The following PUDP variants were observed in gnomAD, a reference collection of about 807,000 sequenced individuals.
PUDP encodes the protein pseudouridine 5'-phosphatase.
PUDP carries 8 observed loss-of-function variants against 9.4 expected under a neutral mutation model. The ratio of observed to expected loss-of-function variants is 0.85; its 90% CI spans 0.50 to 1.53. PUDP has a LOEUF of 1.53. Among genes scored for constraint, PUDP ranks in the 40% most tolerant of loss-of-function variants. The pLI is 0.00. For synonymous variants in PUDP, 99 were observed against 80.7 expected, an observed-to-expected ratio of 1.23 and a Z score of -1.22; for missense variants, 188 against 189.7, an observed-to-expected ratio of 0.99 and a Z score of 0.05.
Position 6,829,947 on chromosome X carries a change from C to T in PUDP, c.*248-123481G>A, listed in dbSNP as rs893607946. 6.3e-5 allele frequency among the ~76,000 whole-genome samples: 7 copies of T among 110,503 alleles called. No individual in the cohort carries two copies. In the Middle Eastern group the frequency reaches 0.014, roughly 218 times the overall value. On this transcript the variant is annotated intron_variant and NMD_transcript_variant, in intron 3 of 3. Coordinates refer to the PUDP transcript ENST00000655425. ...CACGCAACTGGTGAGCTGAGGGATT[C>T]ACCACATTAATCCAGAACATTAATT... is the stretch of plus-strand genomic sequence containing the variant.
At position 7,069,388 on chromosome X, in the gene PUDP, C is replaced by G. The variant is rs191428117; in HGVS notation, c.510+7832G>C. On this transcript the variant is annotated intron_variant, in intron 3 of 3. Coordinates refer to ENST00000381077, the MANE Select transcript of PUDP (RefSeq NM_012080.5). ...GATGCCCCAAGGCTAGTGTTCTGGA[C>G]ACGGACGTAAGGCTACTCGGGCTGG... Among the ~76,000 whole-genome samples the G allele has an allele frequency of 2.7e-5, 3 of 111,130 alleles. No homozygotes were observed. In the East Asian group the frequency reaches 8.6e-4, roughly 32 times the overall value.
rs769348667 is a variant in PUDP, at chrX:7,019,356, G to T, written c.205-41013C>A. Among the ~76,000 whole-genome samples, 9 of 112,017 alleles carry T rather than the reference G, an allele frequency of 8.0e-5. No individual in the cohort carries two copies. The South Asian group carries it at 3.0e-3, about 38-fold the overall frequency. On this transcript the variant is annotated intron_variant and NMD_transcript_variant, in intron 1 of 3. Coordinates refer to the PUDP transcript ENST00000655425. ...AAATAAAACTCTTTTACTTCAAAATGTATTTCTATGATACAGTTTGAGACG... is the reference window on the plus strand; with the variant it reads ...AAATAAAACTCTTTTACTTCAAAATTTATTTCTATGATACAGTTTGAGACG...
chrX:7,147,339 T>C (rs1932887822), intron 1 of PUDP, among the ~76,000 whole-genome samples: 1 of 111,588 alleles, frequency 9.0e-6, no homozygotes. Context: ...TCTGTGCCTC[T>C]ACACTGTTGA....
chrX:6,790,140 T>C (rs957993787), intron 3 of PUDP, among the ~76,000 whole-genome samples: 2 of 111,218 alleles, frequency 1.8e-5, no homozygotes, highest in South Asian at 7.6e-4. Flanking sequence ...TATATACAGA[T>C]GTAGATAGGT....
intron 1 of PUDP, among the ~76,000 whole-genome samples, chrX:6,987,061 A>G (rs1247283466): frequency 8.9e-6 from 1 of 111,906 alleles, no homozygotes; most frequent in Non-Finnish European, 1.9e-5. Context: ...CAGAGCAGTC[A>G]CCTCTGATGT....
intron 3 of PUDP, among the ~76,000 whole-genome samples, chrX:6,852,941 T>C (rs913917668): frequency 1.8e-5 from 2 of 111,426 alleles, no homozygotes; most frequent in Non-Finnish European, 3.8e-5. Context: ...ACTTTTACAG[T>C]TGAATGCAAC....
chrX:7,075,278 G>A (rs1602751908), intron 3 of PUDP, among the ~76,000 whole-genome samples: 1 of 111,902 alleles, frequency 8.9e-6, no homozygotes, highest in South Asian at 3.7e-4. Flanking sequence ...AGGCTGAGGC[G>A]GGTGGATCAC....
chrX:6,765,419 G>T (rs1181377949), intron 3 of PUDP, among the ~76,000 whole-genome samples: 2 of 112,236 alleles, frequency 1.8e-5, no homozygotes, highest in Non-Finnish European at 3.8e-5. Context: ...GCTTGAAACT[G>T]AGCAATATAA....
intron 1 of PUDP, among the ~76,000 whole-genome samples, chrX:7,043,501 T>G (rs1929948931): frequency 8.9e-6 from 1 of 112,061 alleles, no homozygotes; most frequent in African/African-American, 3.2e-5. Context: ...TTGTACAGCC[T>G]GCAGAACTGT....
intron 3 of PUDP, among the ~76,000 whole-genome samples, chrX:6,867,513 G>A (rs1861262062): frequency 9.1e-6 from 1 of 110,473 alleles, no homozygotes; most frequent in South Asian, 3.9e-4. Context: ...TGTTGGTGAT[G>A]GTTTGGTGTT....
rs143576876 is a variant in PUDP at position 6,856,110 on chromosome X, T to C, written c.*247+121023A>G. On this transcript the variant is annotated intron_variant and NMD_transcript_variant, in intron 3 of 3. Transcript: ENST00000655425. ...GATAAACTTGTCTACTTTCTAATATTGCTCTTACGTGCATGTGAACTCTGC... is the reference window on the plus strand; with the variant it reads ...GATAAACTTGTCTACTTTCTAATATCGCTCTTACGTGCATGTGAACTCTGC... 7.7e-3 allele frequency among the ~76,000 whole-genome samples: 853 copies of C among 111,155 alleles called. 7 individuals carry two copies. The highest frequency in any genetic ancestry group is 0.025 in the African/African-American group (769 of 30,523).
intron 1 of PUDP, among the ~76,000 whole-genome samples, chrX:7,144,427 T>C (rs1020456787): frequency 2.9e-4 from 32 of 112,165 alleles, no homozygotes; most frequent in Non-Finnish European, 4.9e-4. Context: ...TAACAAAGAA[T>C]GACAGCGCAA....
chrX:7,081,108 A>C (rs1192642049), intron 2 of PUDP, among the ~76,000 whole-genome samples: 1 of 111,797 alleles, frequency 8.9e-6, no homozygotes, highest in Non-Finnish European at 1.9e-5. Context: ...ACTGTATAAA[A>C]ATTTTCTTAA....
chrX:6,829,894 G>A (rs758690072), intron 3 of PUDP, among the ~76,000 whole-genome samples: 70 of 110,688 alleles, frequency 6.3e-4, no homozygotes, highest in Admixed American at 6.3e-3. Context: ...GCTGCTGGCT[G>A]GGTTGAGGGA....
chrX:6,806,661 G>A (rs1446322262), intron 3 of PUDP, among the ~76,000 whole-genome samples: 1 of 111,284 alleles, frequency 9.0e-6, no homozygotes, highest in Non-Finnish European at 1.9e-5. Context: ...TTTTAGGTTG[G>A]AAGGGGAGCA....
chrX:6,964,758 T>C (rs2146789731), intron 3 of PUDP, among the ~76,000 whole-genome samples: 1 of 111,998 alleles, frequency 8.9e-6, no homozygotes, highest in South Asian at 3.8e-4. Context: ...GTGATGTTCA[T>C]GCCGCCATGG....
chrX:6,969,321 A>G (rs1928835728), intron 3 of PUDP, among the ~76,000 whole-genome samples: 1 of 112,122 alleles, frequency 8.9e-6, no homozygotes, highest in Non-Finnish European at 1.9e-5. Context: ...CACCCAAGCC[A>G]TAGGTGTCCT....
chrX:6,794,558 TTTTC>T (rs1321387545), intron 3 of PUDP, among the ~76,000 whole-genome samples: 11 of 110,100 alleles, frequency 1.0e-4, no homozygotes, highest in African/African-American at 3.3e-4. Context: ...TAAAAAACAC[TTTTC>T]TTTCTTTAAT....
intron 3 of PUDP, among the ~76,000 whole-genome samples, chrX:6,779,045 A>G (rs754069510): frequency 1.6e-4 from 18 of 111,883 alleles, no homozygotes; most frequent in African/African-American, 5.8e-4. Context: ...CTAGGTGCGC[A>G]TAAGAGCGAG....
Sources: gnomAD v4.1 joint callset for allele counts (sites outside exome capture counted in the v4.1 genomes callset) on GRCh38, gnomAD v4.1.1 for gene constraint, MANE v1.5 for transcripts, NCBI Gene and HGNC (gene_info 2026-07-23, HGNC 2026-07-21) for gene names.